Variants in IMPG1 observed in about 807,000 individuals in gnomAD.
IMPG1 encodes the protein interphotoreceptor matrix proteoglycan 1, also known as interphotoreceptor matrix proteoglycan of 150 kDa.
IMPG1 carries 85 observed loss-of-function variants against 92.0 expected under a neutral mutation model. The ratio of observed to expected loss-of-function variants is 0.92; its 90% CI spans 0.78 to 1.11. The LOEUF (loss-of-function observed/expected upper bound fraction) is 1.11, where lower values mean the gene tolerates loss of function less well. Among genes scored for constraint, IMPG1 ranks in the 50% least tolerant of loss-of-function variants. The pLI is 0.00. For synonymous variants in IMPG1, 367 were observed against 334.1 expected (o/e 1.10, Z -1.08); for missense variants, 1,022 against 956.0 (o/e 1.07, Z -0.91).
At chr6:76,060,431 T>C (rs1438813587) in intron 1 of IMPG1, among the ~76,000 whole-genome samples, 4 of 152,304 alleles carry the variant, frequency 2.6e-5, no homozygotes, top group Admixed American at 2.6e-4. Context: ...AGCATTTCCA[T>C]ATATGAATTC....
intron 2 of IMPG1, 21 bp downstream of exon 2, chr6:76,041,872 C>A: frequency 6.8e-7 from 1 of 1,477,152 alleles, no homozygotes; most frequent in Non-Finnish European, 9.5e-7. Context: ...CAAGGCTAAA[C>A]GGTTTCATCT....
chr6:75,975,227 C>T (rs191551438), intron 12 of IMPG1, among the ~76,000 whole-genome samples: 1 of 152,350 alleles, frequency 6.6e-6, no homozygotes, highest in Non-Finnish European at 1.5e-5. Context: ...TGCTCAGTCA[C>T]TGGCATGTGC....
intron 9 of IMPG1, among the ~76,000 whole-genome samples, chr6:76,006,344 CAA>C (rs1491221842): frequency 1.4e-5 from 2 of 147,448 alleles, no homozygotes; most frequent in African/African-American, 2.5e-5. Flanking sequence ...TATATGCACA[CAA>C]TATATATATA....
At chr6:76,056,940 A>G (rs1206218323) in intron 1 of IMPG1, among the ~76,000 whole-genome samples, 1 of 152,226 alleles carries the variant, frequency 6.6e-6, no homozygotes, top group Non-Finnish European at 1.5e-5. Flanking sequence ...TGTGGTACAT[A>G]TACACCATGG....
In IMPG1 at chr6:76,061,308, A is replaced by G. The variant is rs1024128722; in HGVS notation, c.67+11114T>C. Among the ~76,000 whole-genome samples the G allele has an allele frequency of 5.3e-5, 8 of 152,216 alleles. No homozygotes were observed. The East Asian group carries it at 1.5e-3, about 29-fold the overall frequency. ...CAACTTTAAGGACATCCTCTTAGAC[A>G]CAGTTGAACAAGAAAGTCTGTCTGG... On this transcript the variant is annotated intron_variant, in intron 1 of 16. Transcript: ENST00000369950.
chr6:76,036,689 A>C (rs187311872), intron 2 of IMPG1, among the ~76,000 whole-genome samples: 9 of 152,340 alleles, frequency 5.9e-5, no homozygotes, highest in Admixed American at 2.6e-4. Flanking sequence ...AGTAGAATGG[A>C]AATGTGAATG....
At chr6:76,022,046 T>C in intron 6 of IMPG1, 70 bp downstream of exon 6, 1 of 813,298 alleles carries the variant, frequency 1.2e-6, no homozygotes, top group Non-Finnish European at 2.1e-6. Flanking sequence ...TTATCCATTC[T>C]CTTTTCCTGT....
chr6:75,992,320 T>C (rs78461469), intron 12 of IMPG1, among the ~76,000 whole-genome samples: 4 of 152,286 alleles, frequency 2.6e-5, no homozygotes, highest in African/African-American at 9.6e-5. Flanking sequence ...CTCTTTCTCA[T>C]TGTGTTCCAT....
chr6:75,975,382 C>T (rs765237166), intron 12 of IMPG1, among the ~76,000 whole-genome samples: 10 of 152,102 alleles, frequency 6.6e-5, no homozygotes, highest in South Asian at 4.1e-4. Flanking sequence ...AGTTTGTCTC[C>T]GGAAAAAATT....
At chr6:75,970,903 A>T (rs921300658) in intron 12 of IMPG1, among the ~76,000 whole-genome samples, 2 of 152,220 alleles carry the variant, frequency 1.3e-5, no homozygotes, top group South Asian at 2.1e-4. Flanking sequence ...TGTGGAAGTC[A>T]GTGTGGCGAT....
At chr6:76,006,147 G>A (rs1426433903) in intron 9 of IMPG1, among the ~76,000 whole-genome samples, 1 of 151,904 alleles carries the variant, frequency 6.6e-6, no homozygotes, top group African/African-American at 2.4e-5. Flanking sequence ...TTGAAAAAGT[G>A]CTTTTTGTCA....
At chr6:75,995,480 T>C (rs1782881698) in intron 12 of IMPG1, among the ~76,000 whole-genome samples, 1 of 152,218 alleles carries the variant, frequency 6.6e-6, no homozygotes. Flanking sequence ...CAGCTTCAGC[T>C]ACTCCCCTCT....
rs77498904 is a variant in IMPG1 at position 75,995,871 on chromosome 6, A to G, written c.1291+7047T>C. Among the ~76,000 whole-genome samples the G allele has an allele frequency of 1.4e-4, 21 of 152,298 alleles. 1 individual carries two copies. The highest frequency in any genetic ancestry group is 4.3e-4 in the African/African-American group (18 of 41,560). On this transcript the variant is annotated intron_variant, in intron 12 of 16. Transcript: ENST00000369950. Reference sequence around the variant, plus strand: ...CCTGAAATAAACTCCTTGTAATTGAATCCTTGTTTCGGGGTCTGTTTTGGG... The same window carrying G: ...CCTGAAATAAACTCCTTGTAATTGAGTCCTTGTTTCGGGGTCTGTTTTGGG...
intron 9 of IMPG1, among the ~76,000 whole-genome samples, chr6:76,005,968 G>C (rs1783089504): frequency 6.6e-6 from 1 of 151,980 alleles, no homozygotes; most frequent in African/African-American, 2.4e-5. Context: ...CCCCAGCATA[G>C]CTGGGAACAC....
At chr6:76,066,515 C>A (rs12527369) in intron 1 of IMPG1, among the ~76,000 whole-genome samples, 7,596 of 152,076 alleles carry the variant, frequency 0.05, 288 homozygotes, top group Admixed American at 0.092. Flanking sequence ...GAAAATATAA[C>A]ATTTCTAACT....
At chr6:75,939,703 T>C (rs1474416925) in intron 14 of IMPG1, among the ~76,000 whole-genome samples, 1 of 152,210 alleles carries the variant, frequency 6.6e-6, no homozygotes, top group East Asian at 1.9e-4. Context: ...TTAAAAACCC[T>C]CTTGCCACCT....
intron 1 of IMPG1, among the ~76,000 whole-genome samples, chr6:76,064,776 T>C (rs1784278925): frequency 6.6e-6 from 1 of 152,218 alleles, no homozygotes; most frequent in Non-Finnish European, 1.5e-5. Flanking sequence ...TATCAGCTTC[T>C]GCTTCAGCTG....
chr6:76,003,922 A>G lies in IMPG1; in HGVS notation c.1164T>C (p.Gly388=). ...TGGGCAGCTCTGATTGGGTGTCAGG[A>G]CCAAAGGCTGGCAGTGATCCAGCAA... ...DEIAGSLPAF[G]PDTQSELPTS... is the part of the protein sequence containing the mutation. Residue 388 remains glycine (G), a synonymous_variant, in exon 11 of 17, where the codon GGT becomes GGC. Coordinates refer to ENST00000369950, the MANE Select transcript of IMPG1 (RefSeq NM_001563.4). 1 of 1,613,316 alleles carries G rather than the reference A, an allele frequency of 6.2e-7. No homozygotes were observed. The highest frequency in any genetic ancestry group is 2.2e-5 in the East Asian group (1 of 44,840).
At chr6:75,982,541 A>ATATC (rs145538984) in intron 12 of IMPG1, among the ~76,000 whole-genome samples, 1,948 of 146,680 alleles carry the variant, frequency 0.013, 41 homozygotes, top group African/African-American at 0.037. Context: ...AAAAATGTGT[A>ATATC]TATCTATCTA....
Sources: gnomAD v4.1 joint callset for allele counts (sites outside exome capture counted in the v4.1 genomes callset) on GRCh38, gnomAD v4.1.1 for gene constraint, MANE v1.5 for transcripts, NCBI Gene and HGNC (gene_info 2026-07-23, HGNC 2026-07-21) for gene names.